The following PCED1B variants were observed in gnomAD, a reference collection of about 807,000 sequenced individuals.
PCED1B encodes PC-esterase domain containing 1B.
For synonymous variants in PCED1B, 251 were observed against 246.1 expected, an observed-to-expected ratio of 1.02 and a Z score of -0.19; for missense variants, 573 against 573.9, an observed-to-expected ratio of 1.00 and a Z score of 0.02.
rs747793369 is a variant in PCED1B at position 47,235,261 on chromosome 12, G to C, written c.198G>C (p.Gln66His). ...AAGATGAGCTGGTGGACGGAGGCCA[G>C]CGGGGCCACATGCACAACGGCCTTA... ...FEQDELVDGG[Q>H]RGHMHNGLNY... Residue 66 changes from glutamine to histidine, a missense_variant, in exon 4 of 4, where the codon CAG (glutamine) becomes CAC (histidine). By Grantham distance (24) the Gln-to-His change is conservative. Coordinates refer to ENST00000546455, the MANE Select transcript of PCED1B (RefSeq NM_138371.3). The C allele has an allele frequency of 1.9e-6, 3 of 1,614,006 alleles. No individual in the cohort carries two copies. Among genetic ancestry groups the C allele is most frequent in the Non-Finnish European group, 2.5e-6 (3 of 1,179,912 alleles).
chr12:47,135,158 C>T (rs917589234), intron 2 of PCED1B, among the ~76,000 whole-genome samples: 2 of 152,070 alleles, frequency 1.3e-5, no homozygotes, highest in East Asian at 1.9e-4. Flanking sequence ...GTGTCCATGT[C>T]CATAGATCTA....
At chr12:47,166,353 T>C (rs1475966872) in intron 2 of PCED1B, among the ~76,000 whole-genome samples, 3 of 152,222 alleles carry the variant, frequency 2.0e-5, no homozygotes, top group Non-Finnish European at 4.4e-5. Flanking sequence ...CAGTAGCCTC[T>C]ATATGGATTG....
At chr12:47,127,299 G>C (rs1939926404) in intron 2 of PCED1B, among the ~76,000 whole-genome samples, 1 of 151,036 alleles carries the variant, frequency 6.6e-6, no homozygotes, top group South Asian at 2.1e-4. Flanking sequence ...TTACCCAGGG[G>C]ATGTTTAGAG....
At chr12:47,152,365 T>C (rs1420701594) in intron 2 of PCED1B, among the ~76,000 whole-genome samples, 1 of 152,196 alleles carries the variant, frequency 6.6e-6, no homozygotes, top group East Asian at 1.9e-4. Flanking sequence ...GGGCACAATA[T>C]TGCTTCTGGA....
At chr12:47,153,732 A>C (rs1349812233) in intron 2 of PCED1B, among the ~76,000 whole-genome samples, 1 of 152,186 alleles carries the variant, frequency 6.6e-6, no homozygotes, top group Non-Finnish European at 1.5e-5. Flanking sequence ...GTTTTATTCT[A>C]TTCTTTCCTC....
At chr12:47,153,500 G>C (rs1941080256) in intron 2 of PCED1B, among the ~76,000 whole-genome samples, 1 of 151,808 alleles carries the variant, frequency 6.6e-6, no homozygotes, top group Admixed American at 6.6e-5. Context: ...CTTAAATCTG[G>C]CAACTTTATC....
chr12:47,097,530 C>T (rs1310167205), intron 1 of PCED1B, among the ~76,000 whole-genome samples: 1 of 152,132 alleles, frequency 6.6e-6, no homozygotes, highest in African/African-American at 2.4e-5. Context: ...ACTTAGTTTT[C>T]AGAGCCAGAA....
intron 1 of PCED1B, among the ~76,000 whole-genome samples, chr12:47,083,547 C>T (rs2137138898): frequency 6.6e-6 from 1 of 152,294 alleles, no homozygotes; most frequent in South Asian, 2.1e-4. Flanking sequence ...CCTACAGCAT[C>T]CTGTTCTTCT....
At chr12:47,146,027 G>A (rs1940770190) in intron 2 of PCED1B, among the ~76,000 whole-genome samples, 1 of 152,212 alleles carries the variant, frequency 6.6e-6, no homozygotes, top group Non-Finnish European at 1.5e-5. Context: ...AGATGGTAGT[G>A]AGAACATTCA....
chr12:47,162,314 GGT>G (rs890900946), intron 2 of PCED1B, among the ~76,000 whole-genome samples: 1 of 151,950 alleles, frequency 6.6e-6, no homozygotes, highest in African/African-American at 2.4e-5. Flanking sequence ...AAGGAAATGA[GGT>G]GTATTTTGGC....
chr12:47,225,123 G>A (rs1351569588), intron 3 of PCED1B, among the ~76,000 whole-genome samples: 1 of 152,054 alleles, frequency 6.6e-6, no homozygotes, highest in Non-Finnish European at 1.5e-5. Context: ...GTACAGACGG[G>A]GTTTTGCCAT....
intron 2 of PCED1B, among the ~76,000 whole-genome samples, chr12:47,144,007 C>CA (rs1940693678): frequency 6.6e-6 from 1 of 152,156 alleles, no homozygotes; most frequent in Non-Finnish European, 1.5e-5. Context: ...TCCACCCCTG[C>CA]AAAAAATTTT....
intron 1 of PCED1B, among the ~76,000 whole-genome samples, chr12:47,091,372 T>C (rs1938257954): frequency 6.6e-6 from 1 of 152,206 alleles, no homozygotes; most frequent in South Asian, 2.1e-4. Flanking sequence ...GTTGAGTTGT[T>C]CAACTTTTTC....
At chr12:47,137,129 A>T (rs1224089322) in intron 2 of PCED1B, among the ~76,000 whole-genome samples, 1 of 152,232 alleles carries the variant, frequency 6.6e-6, no homozygotes, top group Non-Finnish European at 1.5e-5. Flanking sequence ...GCAATGTCTT[A>T]TTGCCATTCT....
chr12:47,146,074 A>G (rs187942963), intron 2 of PCED1B, among the ~76,000 whole-genome samples: 129 of 152,296 alleles, frequency 8.5e-4, no homozygotes, highest in African/African-American at 3.0e-3. Context: ...CAACATTAAC[A>G]GAGTTTGGAA....
At chr12:47,195,939 A>T (rs990579394) in intron 2 of PCED1B, among the ~76,000 whole-genome samples, 1 of 152,176 alleles carries the variant, frequency 6.6e-6, no homozygotes, top group Non-Finnish European at 1.5e-5. Context: ...TACATTTTTT[A>T]AAAACTGCTT....
intron 2 of PCED1B, among the ~76,000 whole-genome samples, chr12:47,108,736 T>C (rs1939065198): frequency 6.6e-6 from 1 of 152,186 alleles, no homozygotes; most frequent in East Asian, 1.9e-4. Context: ...TTTGTTTTCT[T>C]CTCTTCTTTA....
intron 2 of PCED1B, among the ~76,000 whole-genome samples, chr12:47,211,424 T>C (rs933087669): frequency 1.7e-4 from 24 of 141,286 alleles, no homozygotes; most frequent in African/African-American, 6.3e-4. Flanking sequence ...GGCTGAGGCA[T>C]GTGGATCACT....
intron 2 of PCED1B, among the ~76,000 whole-genome samples, chr12:47,169,275 T>G (rs964618154): frequency 2.0e-5 from 3 of 152,220 alleles, no homozygotes; most frequent in Admixed American, 1.3e-4. Flanking sequence ...CCTATTTGTT[T>G]GAATTCCTCT....
Sources: gnomAD v4.1 joint callset for allele counts (sites outside exome capture counted in the v4.1 genomes callset) on GRCh38, gnomAD v4.1.1 for gene constraint, MANE v1.5 for transcripts, NCBI Gene and HGNC (gene_info 2026-07-23, HGNC 2026-07-21) for gene names.